PLSCR2: variants seen among roughly 807,000 people sequenced by gnomAD.
The protein encoded by PLSCR2 is PL scramblase 2.
Under a neutral mutation model 25.3 loss-of-function variants are expected in PLSCR2, and 18 were observed. The ratio of observed to expected loss-of-function variants is 0.71; its 90% CI spans 0.49 to 1.06. PLSCR2 has a LOEUF of 1.06. Ranked by LOEUF, PLSCR2 falls within the 50% of genes least tolerant of loss-of-function variation. PLSCR2 has a pLI of 0.00. For missense variants in PLSCR2, 243 were observed against 269.5 expected, an observed-to-expected ratio of 0.90 and a Z score of 0.69; for synonymous variants, 88 against 87.3, an observed-to-expected ratio of 1.01 and a Z score of -0.04.
chr3:146,490,605 T>C (rs552240500), intron 1 of PLSCR2, among the ~76,000 whole-genome samples: 1 of 152,280 alleles, frequency 6.6e-6, no homozygotes, highest in Non-Finnish European at 1.5e-5. Flanking sequence ...CACTTTCTTG[T>C]TATGTAATGC....
chr3:146,431,864 T>TAAA (rs34188112), downstream of PLSCR2, among the ~76,000 whole-genome samples: 6 of 143,928 alleles, frequency 4.2e-5, no homozygotes, highest in Non-Finnish European at 7.6e-5. Flanking sequence ...CATCAAGCAT[T>TAAA]AAAAAAAAAA....
chr3:146,455,837 A>T (rs549472578), intron 3 of PLSCR2, among the ~76,000 whole-genome samples: 53 of 152,288 alleles, frequency 3.5e-4, no homozygotes, highest in Admixed American at 7.2e-4. Context: ...TATGGAGAGG[A>T]ATATAGGATG....
chr3:146,420,458 AAT>A (rs762959152), intron 2 of PLSCR2, among the ~76,000 whole-genome samples: 2 of 152,016 alleles, frequency 1.3e-5, no homozygotes, highest in Non-Finnish European at 2.9e-5. Flanking sequence ...TGTACATATA[AAT>A]ATATGTGTTT....
intron 2 of PLSCR2, chr3:146,416,569 G>A (rs552798638): frequency 6.6e-6 from 1 of 152,256 alleles, no homozygotes; most frequent in African/African-American, 2.4e-5. Context: ...AACCAGGGTC[G>A]TAGGTCATAA....
chr3:146,455,987 C>CA (rs1469716740), intron 3 of PLSCR2, among the ~76,000 whole-genome samples: 1 of 151,942 alleles, frequency 6.6e-6, no homozygotes, highest in Non-Finnish European at 1.5e-5. Context: ...AAGTGAGAGG[C>CA]AAAAATGGAA....
chr3:146,479,125 G>A (rs971887938), intron 1 of PLSCR2, among the ~76,000 whole-genome samples: 3 of 152,180 alleles, frequency 2.0e-5, no homozygotes, highest in Non-Finnish European at 2.9e-5. Flanking sequence ...ACCGGTACCA[G>A]CCACTGCAAA....
At chr3:146,447,681 G>C (rs1341481172) in intron 6 of PLSCR2, among the ~76,000 whole-genome samples, 1 of 152,120 alleles carries the variant, frequency 6.6e-6, no homozygotes, top group Non-Finnish European at 1.5e-5. Context: ...AGCACTCCTT[G>C]GGCTGCCCTG....
At chr3:146,396,326 C>G (rs908895030) in intron 2 of PLSCR2, among the ~76,000 whole-genome samples, 1 of 150,584 alleles carries the variant, frequency 6.6e-6, no homozygotes, top group Non-Finnish European at 1.5e-5. Context: ...ATTTTTTTTT[C>G]TCTCTGTTAC....
At chr3:146,455,634 G>T (rs1438350823) in intron 3 of PLSCR2, among the ~76,000 whole-genome samples, 175 bp from the exon 4 acceptor site, 1 of 152,146 alleles carries the variant, frequency 6.6e-6, no homozygotes, top group East Asian at 1.9e-4. Context: ...AGGAAGTTAG[G>T]CTATTAATGC....
At chr3:146,465,251 T>C (rs575459452), upstream of PLSCR2, among the ~76,000 whole-genome samples, 70 of 152,308 alleles carry the variant, frequency 4.6e-4, no homozygotes, top group Admixed American at 1.0e-3. Context: ...GCATGTAGCA[T>C]CTCTCTATTT....
intron 3 of PLSCR2, among the ~76,000 whole-genome samples, chr3:146,394,344 C>T (rs1027080386): frequency 7.9e-5 from 12 of 151,616 alleles, no homozygotes; most frequent in East Asian, 1.9e-4. Flanking sequence ...CTCAGCTCAC[C>T]GCAACCTCTG....
chr3:146,418,736 G>A (rs1359853750), intron 2 of PLSCR2, among the ~76,000 whole-genome samples: 2 of 152,102 alleles, frequency 1.3e-5, no homozygotes, highest in Admixed American at 1.3e-4. Flanking sequence ...GTTTTCAGCT[G>A]AGTAATGTTA....
intron 2 of PLSCR2, among the ~76,000 whole-genome samples, chr3:146,410,273 G>A (rs868804307): frequency 2.0e-5 from 3 of 152,106 alleles, no homozygotes; most frequent in Non-Finnish European, 4.4e-5. Flanking sequence ...TCTAAATGAA[G>A]TAAAGCAGTA....
At chr3:146,397,103 T>C (rs1375966324) in intron 2 of PLSCR2, among the ~76,000 whole-genome samples, 1 of 152,112 alleles carries the variant, frequency 6.6e-6, no homozygotes, top group Non-Finnish European at 1.5e-5. Context: ...CAGCCTCTGT[T>C]GTATCTCCAT....
At chr3:146,450,164 C>A (rs1380120749) in intron 5 of PLSCR2, among the ~76,000 whole-genome samples, 1 of 152,114 alleles carries the variant, frequency 6.6e-6, no homozygotes, top group Non-Finnish European at 1.5e-5. Context: ...AACTAACATT[C>A]ACCAAACTAC....
chr3:146,473,557 C>G (rs534338546), intron 1 of PLSCR2, among the ~76,000 whole-genome samples: 1 of 152,104 alleles, frequency 6.6e-6, no homozygotes, highest in East Asian at 1.9e-4. Context: ...CCACCCACCT[C>G]GACCTCCCAA....
chr3:146,479,572 G>A (rs1002458391), intron 1 of PLSCR2, among the ~76,000 whole-genome samples: 1 of 151,248 alleles, frequency 6.6e-6, no homozygotes, highest in Non-Finnish European at 1.5e-5. Context: ...CCCAGTACAG[G>A]AGCATTCATA....
At chr3:146,447,981 A>G (rs1024917793) in intron 6 of PLSCR2, among the ~76,000 whole-genome samples, 6 of 152,100 alleles carry the variant, frequency 3.9e-5, no homozygotes, top group African/African-American at 1.2e-4. Context: ...TTCCAATGCA[A>G]AGTCCCACAA....
At chr3:146,491,536 G>T (rs1466322683) in intron 1 of PLSCR2, among the ~76,000 whole-genome samples, 1 of 151,968 alleles carries the variant, frequency 6.6e-6, no homozygotes, top group Non-Finnish European at 1.5e-5. Context: ...TTATTTCTCA[G>T]ATGTGTTCTT....
Sources: allele counts gnomAD v4.1 joint callset (sites outside exome capture counted in the v4.1 genomes callset), GRCh38; gene constraint gnomAD v4.1.1; transcripts MANE v1.5; gene names NCBI Gene and HGNC (gene_info 2026-07-23, HGNC 2026-07-21).